The following ZDHHC2 variants were observed in gnomAD, a reference collection of about 807,000 sequenced individuals.
The protein encoded by ZDHHC2 is palmitoyltransferase ZDHHC2.
Under a neutral mutation model 55.6 loss-of-function variants are expected in ZDHHC2, and 51 were observed. The ratio of observed to expected loss-of-function variants is 0.92; its 90% CI spans 0.73 to 1.16. The LOEUF is 1.16. Among genes scored for constraint, ZDHHC2 ranks in the 50% most tolerant of loss-of-function variants. ZDHHC2 has a pLI of 0.00. For missense variants in ZDHHC2, 491 were observed against 442.4 expected, an observed-to-expected ratio of 1.11 and a Z score of -0.99; for synonymous variants, 199 against 152.9, an observed-to-expected ratio of 1.30 and a Z score of -2.22.
chr8:17,196,410 A>G (rs1428485895), intron 4 of ZDHHC2, among the ~76,000 whole-genome samples: 1 of 152,026 alleles, frequency 6.6e-6, no homozygotes, highest in Non-Finnish European at 1.5e-5. Flanking sequence ...TCATTAATGA[A>G]CAGACACAGT....
At chr8:17,191,061 A>T (rs1413723561) in intron 3 of ZDHHC2, among the ~76,000 whole-genome samples, 1 of 144,708 alleles carries the variant, frequency 6.9e-6, no homozygotes, top group African/African-American at 2.6e-5. Context: ...TTCTGGTTTC[A>T]AGGGATTCTC....
chr8:17,190,422 C>T (rs1212109447), intron 3 of ZDHHC2, among the ~76,000 whole-genome samples: 1 of 152,038 alleles, frequency 6.6e-6, no homozygotes, highest in Non-Finnish European at 1.5e-5. Flanking sequence ...TAGAATATTC[C>T]CTTTATAAAA....
chr8:17,180,989 G>A (rs958809043), intron 1 of ZDHHC2, among the ~76,000 whole-genome samples: 3 of 152,124 alleles, frequency 2.0e-5, no homozygotes, highest in African/African-American at 4.8e-5. Flanking sequence ...AAAGGAACAG[G>A]AACCATTTTG....
chr8:17,169,990 T>A (rs1752035209), intron 1 of ZDHHC2, among the ~76,000 whole-genome samples: 1 of 152,182 alleles, frequency 6.6e-6, no homozygotes, highest in Admixed American at 6.5e-5. Flanking sequence ...CAACTGTGGG[T>A]GGCCAGATAA....
chr8:17,210,004 T>C lies in ZDHHC2; in HGVS notation c.803T>C (p.Met268Thr). The change falls in exon 9 of 13, where the codon ATG becomes ACG. Residue 268 changes from methionine (M) to threonine (T), a missense_variant. Coordinates refer to ENST00000262096, the MANE Select transcript of ZDHHC2 (RefSeq NM_016353.5). ...TTCAGCTTGGGTTTCAGTAAAAACA[T>C]GCGACAAGTTTTTGGTGATGAGAAG... ...NGFSLGFSKN[M>T]RQVFGDEKKY... 1 of 1,610,572 alleles carries C rather than the reference T, an allele frequency of 6.2e-7. No individual in the cohort carries two copies. Among genetic ancestry groups the C allele is most frequent in the Non-Finnish European group, 8.5e-7 (1 of 1,178,154 alleles).
intron 1 of ZDHHC2, among the ~76,000 whole-genome samples, chr8:17,168,392 G>C (rs1804704865): frequency 6.6e-6 from 1 of 152,186 alleles, no homozygotes; most frequent in East Asian, 1.9e-4. Context: ...GAAGTGACCA[G>C]AGGTGAGAAA....
chr8:17,184,875 C>A, intron 2 of ZDHHC2, 60 bp downstream of exon 2: 2 of 1,403,484 alleles, frequency 1.4e-6, no homozygotes, highest in Non-Finnish European at 1.9e-6. Context: ...AAATTGTATT[C>A]ACTTAGATTT....
intron 1 of ZDHHC2, among the ~76,000 whole-genome samples, chr8:17,170,598 C>T (rs938396626): frequency 6.6e-5 from 10 of 152,166 alleles, no homozygotes; most frequent in Non-Finnish European, 1.3e-4. Flanking sequence ...GGTTTTAGAA[C>T]GTTGCCTGTT....
rs1441216129 is a variant in ZDHHC2, at chr8:17,207,606, A to ATGTAGTATGTAG, written c.598-354_598-353insTGTAGTATGTAG. Among the ~76,000 whole-genome samples, 4 of 152,204 alleles carry ATGTAGTATGTAG rather than the reference A, an allele frequency of 2.6e-5. No homozygotes were observed. The East Asian group carries it at 7.7e-4, about 29-fold the overall frequency. ...ACGTTTGTGATTCTGTAGTATGTTA[A>ATGTAGTATGTAG]CAAAACATACTCCGTTAATAAATTT... On this transcript the variant is annotated intron_variant, in intron 7 of 12. Transcript: ENST00000262096.
chr8:17,161,174 G>A (rs1268268456), intron 1 of ZDHHC2, among the ~76,000 whole-genome samples: 5 of 152,174 alleles, frequency 3.3e-5, no homozygotes, highest in South Asian at 2.1e-4. Flanking sequence ...ATTCATTGAA[G>A]GCCACTGCAG....
intron 3 of ZDHHC2, among the ~76,000 whole-genome samples, chr8:17,193,925 C>T (rs1391817721): frequency 6.6e-6 from 1 of 152,158 alleles, no homozygotes; most frequent in African/African-American, 2.4e-5. Flanking sequence ...CCCTAGATCC[C>T]CACCCCACGA....
At chr8:17,157,426 T>C (rs1273988886) in intron 1 of ZDHHC2, 1 of 152,446 alleles carries the variant, frequency 6.6e-6, no homozygotes, top group African/African-American at 2.4e-5. Context: ...GGTGAGCTAC[T>C]AGAAAGTATT....
At chr8:17,164,973 C>A (rs1585642374) in intron 1 of ZDHHC2, among the ~76,000 whole-genome samples, 1 of 152,166 alleles carries the variant, frequency 6.6e-6, no homozygotes, top group Non-Finnish European at 1.5e-5. Flanking sequence ...CCCATGAGTC[C>A]TCTCAAAGAG....
chr8:17,205,823 A>G (rs1472222863), intron 7 of ZDHHC2, 48 bp downstream of exon 7: 3 of 1,533,786 alleles, frequency 2.0e-6, no homozygotes, highest in Non-Finnish European at 2.6e-6. Flanking sequence ...AATAATAGAT[A>G]ATATAGGCTT....
intron 10 of ZDHHC2, 58 bp from the exon 11 acceptor site, chr8:17,215,179 A>G: frequency 6.8e-7 from 1 of 1,470,970 alleles, no homozygotes; most frequent in Non-Finnish European, 9.3e-7. Context: ...GAAACAATCA[A>G]CTTTACTATC....
chr8:17,159,722 T>C (rs1182378304), intron 1 of ZDHHC2, among the ~76,000 whole-genome samples: 2 of 152,152 alleles, frequency 1.3e-5, no homozygotes, highest in African/African-American at 2.4e-5. Flanking sequence ...CAAGTATTTT[T>C]GGTTAAGTCA....
Position 17,199,509 on chromosome 8 carries a change from T to TTCTTCTTCATCTTCG in ZDHHC2, c.476+1101_476+1102insTTCATCTTCGTCTTC, listed in dbSNP as rs1297662337. 1.3e-3 allele frequency among the ~76,000 whole-genome samples: 157 copies of TTCTTCTTCATCTTCG among 121,208 alleles called. 9 individuals are homozygous for TTCTTCTTCATCTTCG. Among genetic ancestry groups the TTCTTCTTCATCTTCG allele is most frequent in the African/African-American group, 5.4e-3 (147 of 27,334 alleles). 79.5% of individuals were successfully genotyped at this position (121,208 alleles called of 152,430 possible). A position where few individuals can be genotyped will look rare whatever the true frequency, so the allele number is the denominator to read the frequency against. On this transcript the variant is annotated intron_variant, in intron 6 of 12. Coordinates refer to ENST00000262096, the MANE Select transcript of ZDHHC2 (RefSeq NM_016353.5). ...CTTCTTCTTCTTCTTCTTCTTCTTC[T>TTCTTCTTCATCTTCG]TCTTCGTCTTCGTCTTCGTCTTCTG...
intron 1 of ZDHHC2, among the ~76,000 whole-genome samples, chr8:17,181,315 T>C (rs1032761417): frequency 3.9e-5 from 6 of 152,188 alleles, no homozygotes; most frequent in Admixed American, 3.9e-4. Flanking sequence ...GAATTAATTT[T>C]AATATGATCC....
chr8:17,219,934 C>T (rs1294758560), intron 12 of ZDHHC2, among the ~76,000 whole-genome samples: 1 of 152,192 alleles, frequency 6.6e-6, no homozygotes, highest in African/African-American at 2.4e-5. Context: ...CTGCCACTCA[C>T]ATTGAAGCCC....
Sources: allele counts gnomAD v4.1 joint callset (sites outside exome capture counted in the v4.1 genomes callset), GRCh38; gene constraint gnomAD v4.1.1; transcripts MANE v1.5; gene names NCBI Gene and HGNC (gene_info 2026-07-23, HGNC 2026-07-21).